PDE4D: variants seen among roughly 807,000 people sequenced by gnomAD.
PDE4D encodes 3',5'-cyclic-AMP phosphodiesterase 4D.
A neutral mutation model predicts 87.4 loss-of-function variants in PDE4D; 24 were observed. That is an observed-to-expected ratio of 0.27 (90% CI 0.20 to 0.39). The LOEUF is 0.39. PDE4D is among the 10% of genes least tolerant of loss of function. The pLI is 1.00. For missense variants in PDE4D, 714 were observed against 1,041.0 expected, an observed-to-expected ratio of 0.69 and a Z score of 4.32; for synonymous variants, 384 against 383.2, an observed-to-expected ratio of 1.00 and a Z score of -0.02.
chr5:60,466,164 G>T (rs1747336794), intron 1 of PDE4D, among the ~76,000 whole-genome samples: 1 of 152,056 alleles, frequency 6.6e-6, no homozygotes, highest in African/African-American at 2.4e-5. Context: ...GCATCTACTA[G>T]GTTGAATGGA....
intron 1 of PDE4D, among the ~76,000 whole-genome samples, chr5:59,709,031 G>A (rs1753834554): frequency 6.6e-6 from 1 of 151,240 alleles, no homozygotes; most frequent in Non-Finnish European, 1.5e-5. Flanking sequence ...TAACATTTTA[G>A]ACTTAAAAAG....
At chr5:60,345,054 A>G (rs1421855066) in intron 1 of PDE4D, among the ~76,000 whole-genome samples, 10 of 152,052 alleles carry the variant, frequency 6.6e-5, no homozygotes, top group Non-Finnish European at 1.5e-4. Context: ...TATACTATAT[A>G]CGTATTACAT....
chr5:59,275,282 G>T lies in PDE4D; in HGVS notation c.456-59314C>A, dbSNP rs528468340. The stretch of plus-strand genomic sequence containing the variant: ...TCACACAACTTACTAAATACTCAAG[G>T]AGTACGTCAATCTTAAAAGAGAAAA... On this transcript the variant is annotated intron_variant, in intron 1 of 14. Coordinates refer to ENST00000340635, the MANE Select transcript of PDE4D (RefSeq NM_001104631.2). The T allele has an allele frequency of 8.7e-5, 116 of 1,330,116 alleles. No individual in the cohort carries two copies. In the African/African-American group the frequency reaches 1.5e-3, roughly 17 times the overall value. 82.4% of individuals were successfully genotyped at this position (1,330,116 alleles called of 1,614,324 possible).
At chr5:59,909,925 T>C (rs1316157532) in intron 3 of PDE4D, among the ~76,000 whole-genome samples, 5 of 152,148 alleles carry the variant, frequency 3.3e-5, no homozygotes, top group Non-Finnish European at 4.4e-5. Context: ...TTCCTAAAGA[T>C]GACAAACGAA....
At position 59,023,105 on chromosome 5, in the gene PDE4D, G is replaced by T. The variant is rs189437653; in HGVS notation, c.921+15754C>A. 2.6e-5 allele frequency among the ~76,000 whole-genome samples: 4 copies of T among 151,740 alleles called. No homozygotes were observed. In the East Asian group the frequency reaches 7.8e-4, roughly 30 times the overall value. On this transcript the variant is annotated intron_variant, in intron 6 of 14. Coordinates refer to ENST00000340635, the MANE Select transcript of PDE4D (RefSeq NM_001104631.2). ...CAGGAGAATTGCTTGAACCTGGGAGGAGAAGGTTGCAGTGAGCCTAGATCA... is the reference window on the plus strand; with the variant it reads ...CAGGAGAATTGCTTGAACCTGGGAGTAGAAGGTTGCAGTGAGCCTAGATCA...
intron 1 of PDE4D, among the ~76,000 whole-genome samples, chr5:60,414,870 C>T (rs1417982737): frequency 1.3e-5 from 2 of 151,948 alleles, no homozygotes; most frequent in Non-Finnish European, 2.9e-5. Context: ...AGCACCTACC[C>T]GGACAAATTC....
chr5:59,125,653 C>T (rs1775276877), intron 5 of PDE4D, among the ~76,000 whole-genome samples: 1 of 152,080 alleles, frequency 6.6e-6, no homozygotes, highest in East Asian at 1.9e-4. Context: ...GGGAGAAAGT[C>T]TTTCTTCGTT....
Position 60,042,428 on chromosome 5 carries a change from G to A in PDE4D, c.43-53711C>T, listed in dbSNP as rs184410085. Among the ~76,000 whole-genome samples, 993 of 152,302 alleles carry A rather than the reference G, an allele frequency of 6.5e-3. 4 individuals carry two copies. The highest frequency in any genetic ancestry group is 0.012 in the African/African-American group (479 of 41,556). On this transcript the variant is annotated intron_variant, in intron 2 of 16. Transcript: ENST00000502484. ...TGAAGAGAGCAGTGGATCTCCCAGC[G>A]CAGTGCTTGAGCTCTGCTAAGGGAC...
chr5:59,343,855 T>C (rs1582069799), intron 1 of PDE4D, among the ~76,000 whole-genome samples: 1 of 152,294 alleles, frequency 6.6e-6, no homozygotes, highest in East Asian at 1.9e-4. Context: ...CCATTGTTGT[T>C]TAATGAGCCA....
At chr5:60,097,288 T>TGTGTGTGTGTGTGTGTGTGTGTGTG (rs1562088754) in intron 2 of PDE4D, among the ~76,000 whole-genome samples, 26 of 151,674 alleles carry the variant, frequency 1.7e-4, no homozygotes, top group South Asian at 4.2e-4. Context: ...TGTGTGTGTG[T>TGTGTGTGTGTGTGTGTGTGTGTGTG]TTAACAAATA....
At chr5:59,004,719 T>C (rs1295578785) in intron 6 of PDE4D, among the ~76,000 whole-genome samples, 2 of 152,250 alleles carry the variant, frequency 1.3e-5, no homozygotes, top group Non-Finnish European at 2.9e-5. Context: ...CCTATGTGAA[T>C]AGCTGCTGGG....
At position 60,454,269 on chromosome 5, in the gene PDE4D, T is replaced by A. The variant is rs561985798; in HGVS notation, c.-90+33673A>T. 2.0e-5 allele frequency among the ~76,000 whole-genome samples: 3 copies of A among 152,218 alleles called. No homozygotes were observed. The South Asian group carries it at 6.2e-4, about 32-fold the overall frequency. ...TTCCTCAAGGATCTAGAACCTGAAATACCATTTGACCCAGCAATCCCATTA... is the reference window on the plus strand; with the variant it reads ...TTCCTCAAGGATCTAGAACCTGAAAAACCATTTGACCCAGCAATCCCATTA... On this transcript the variant is annotated intron_variant, in intron 1 of 16. Coordinates refer to the PDE4D transcript ENST00000502484.
intron 1 of PDE4D, among the ~76,000 whole-genome samples, chr5:59,683,916 G>A (rs1749439910): frequency 6.6e-6 from 1 of 152,038 alleles, no homozygotes; most frequent in Admixed American, 6.6e-5. Flanking sequence ...ATTGGATTGG[G>A]CTCATAGAAT....
At chr5:59,137,180 G>A (rs1777200989) in intron 5 of PDE4D, among the ~76,000 whole-genome samples, 3 of 152,266 alleles carry the variant, frequency 2.0e-5, no homozygotes, top group Admixed American at 6.5e-5. Flanking sequence ...CACAACTCCC[G>A]ACTTCCCTTG....
chr5:60,087,351 T>C (rs1774646583), intron 2 of PDE4D, among the ~76,000 whole-genome samples: 1 of 152,082 alleles, frequency 6.6e-6, no homozygotes. Flanking sequence ...ACAAGGATTG[T>C]GGAAACTCAG....
intron 5 of PDE4D, among the ~76,000 whole-genome samples, chr5:59,051,983 C>CA (rs1321685500): frequency 6.6e-6 from 1 of 151,908 alleles, no homozygotes; most frequent in Non-Finnish European, 1.5e-5. Flanking sequence ...AGAGAATAGT[C>CA]AAAAAATCCA....
At chr5:59,055,812 T>C (rs570771860) in intron 5 of PDE4D, among the ~76,000 whole-genome samples, 1 of 152,342 alleles carries the variant, frequency 6.6e-6, no homozygotes, top group East Asian at 1.9e-4. Flanking sequence ...GATTCATCTT[T>C]GCCTACTTAA....
intron 5 of PDE4D, chr5:59,174,565 T>A (rs1175747584): frequency 6.6e-6 from 1 of 152,606 alleles, no homozygotes; most frequent in Non-Finnish European, 1.5e-5. Flanking sequence ...AAGCAGTAGA[T>A]ATAATCAAAA....
intron 1 of PDE4D, among the ~76,000 whole-genome samples, chr5:59,803,966 A>G (rs1767447911): frequency 6.6e-6 from 1 of 152,184 alleles, no homozygotes; most frequent in South Asian, 2.1e-4. Context: ...TATATAGCTT[A>G]TAATATTTTA....
Sources: allele counts gnomAD v4.1 joint callset (sites outside exome capture counted in the v4.1 genomes callset), GRCh38; gene constraint gnomAD v4.1.1; transcripts MANE v1.5; gene names NCBI Gene and HGNC (gene_info 2026-07-23, HGNC 2026-07-21).